Variants in CRB1 observed in about 807,000 individuals in gnomAD.
CRB1 encodes the protein protein crumbs homolog 1.
A neutral mutation model predicts 120.0 loss-of-function variants in CRB1; 83 were observed. The ratio of observed to expected loss-of-function variants is 0.69; its 90% CI spans 0.58 to 0.83. CRB1 has a LOEUF of 0.83. Ranked by LOEUF, CRB1 falls within the 40% of genes least tolerant of loss-of-function variation. CRB1 has a pLI of 0.00. For missense variants in CRB1, 1,699 were observed against 1,687.6 expected (o/e 1.01, Z -0.12); for synonymous variants, 625 against 612.5 (o/e 1.02, Z -0.30).
At chr1:197,463,090 C>T (rs895357078) in intron 11 of CRB1, among the ~76,000 whole-genome samples, 7 of 152,074 alleles carry the variant, frequency 4.6e-5, no homozygotes, top group African/African-American at 1.7e-4. Context: ...TTTATAAGAG[C>T]CACAACCCTG....
intron 11 of CRB1, among the ~76,000 whole-genome samples, chr1:197,463,114 AT>A (rs1666603488): frequency 6.6e-6 from 1 of 152,124 alleles, no homozygotes; most frequent in Non-Finnish European, 1.5e-5. Context: ...GATTTTCTTC[AT>A]TGTTTAGTTG....
At chr1:197,323,462 G>T (rs1008359203) in intron 1 of CRB1, among the ~76,000 whole-genome samples, 1 of 152,066 alleles carries the variant, frequency 6.6e-6, no homozygotes, top group Non-Finnish European at 1.5e-5. Context: ...ATTTCAATTT[G>T]CTAGAGGCAA....
chr1:197,334,225 A>T (rs1659020171), intron 2 of CRB1, among the ~76,000 whole-genome samples: 1 of 152,198 alleles, frequency 6.6e-6, no homozygotes. Flanking sequence ...TTTCCATGTG[A>T]CATCCTTGAC....
the CRB1 span, among the ~76,000 whole-genome samples, chr1:197,212,685 A>T: frequency 1.3e-5 from 2 of 152,196 alleles, no homozygotes; most frequent in Non-Finnish European, 2.9e-5. Context: ...TGATGGTTTC[A>T]TCAGGGTGTA....
At position 197,346,701 on chromosome 1, in the gene CRB1, A is replaced by G. The variant is rs371733915; in HGVS notation, c.849-639A>G. Among the ~76,000 whole-genome samples the G allele has an allele frequency of 7.2e-4, 110 of 152,292 alleles. 3 individuals are homozygous for G. In the East Asian group the frequency reaches 8.9e-3, roughly 12 times the overall value. Reference sequence around the variant, plus strand: ...AAGTCTCCTCTTAATAAAATCAACAACTTTCTTCATTAGATTTGTATTTTG... The same window carrying G: ...AAGTCTCCTCTTAATAAAATCAACAGCTTTCTTCATTAGATTTGTATTTTG... On this transcript the variant is annotated intron_variant, in intron 3 of 11. Transcript: ENST00000367400.
At chr1:197,365,974 C>T (rs747857493) in intron 5 of CRB1, among the ~76,000 whole-genome samples, 14 of 152,028 alleles carry the variant, frequency 9.2e-5, no homozygotes, top group Non-Finnish European at 1.3e-4. Flanking sequence ...AGTCTATGCT[C>T]TCTTGTCCAG....
chr1:197,288,983 A>AAC (rs1656003311), intron 1 of CRB1, among the ~76,000 whole-genome samples: 2 of 151,570 alleles, frequency 1.3e-5, no homozygotes, highest in African/African-American at 4.8e-5. Context: ...AAAAAAAAAA[A>AAC]AAAACTTGAA....
chr1:197,413,814 C>A (rs970050807), intron 5 of CRB1: 6 of 416,196 alleles, frequency 1.4e-5, no homozygotes, highest in South Asian at 1.1e-4. Context: ...AACCAAGTCC[C>A]CATACTCTCT....
intron 11 of CRB1, chr1:197,442,632 TATAACTAGAA>T: frequency 9.9e-7 from 1 of 1,011,918 alleles, no homozygotes; most frequent in Non-Finnish European, 1.4e-6. Context: ...GTGTTCTTAA[TATAACTAGAA>T]ATATCTCCTT....
At chr1:197,264,327 A>T (rs943549495), upstream of CRB1, among the ~76,000 whole-genome samples, 8 of 152,304 alleles carry the variant, frequency 5.3e-5, no homozygotes, top group African/African-American at 1.9e-4. Context: ...GCTGAATTGA[A>T]TTCCATTGTG....
At chr1:197,309,186 C>T (rs775713066) in intron 1 of CRB1, among the ~76,000 whole-genome samples, 2 of 151,838 alleles carry the variant, frequency 1.3e-5, no homozygotes, top group Non-Finnish European at 2.9e-5. Context: ...CACAATTGCA[C>T]AAGAGATGAA....
At chr1:197,344,523 A>G in intron 3 of CRB1, 47 bp downstream of exon 3, 7 of 1,561,976 alleles carry the variant, frequency 4.5e-6, no homozygotes, top group Non-Finnish European at 6.2e-6. Context: ...CTCCCTGACC[A>G]TGAACTATTT....
chr1:197,228,705 T>C, the CRB1 span, among the ~76,000 whole-genome samples: 1 of 152,206 alleles, frequency 6.6e-6, no homozygotes, highest in Admixed American at 6.5e-5. Context: ...TGGATATCTT[T>C]TCAGCAACGC....
At chr1:197,354,460 TCGGACG>T (rs1660313036) in intron 4 of CRB1, among the ~76,000 whole-genome samples, 1 of 152,130 alleles carries the variant, frequency 6.6e-6, no homozygotes, top group Admixed American at 6.5e-5. Flanking sequence ...TTTCTGATGT[TCGGACG>T]TGTTCAGAGT....
chr1:197,426,100 T>C (rs190332190), intron 6 of CRB1, among the ~76,000 whole-genome samples: 6 of 152,070 alleles, frequency 3.9e-5, no homozygotes, highest in Admixed American at 3.3e-4. Context: ...TCCAGTTTTC[T>C]TCCGTATCTC....
the CRB1 span, chr1:197,223,233 A>G: frequency 8.8e-7 from 1 of 1,140,348 alleles, no homozygotes; most frequent in Middle Eastern, 2.4e-4. Flanking sequence ...AGGATTACAA[A>G]CCAGAAGATT....
chr1:197,404,631 C>T (rs1165472337), intron 5 of CRB1, among the ~76,000 whole-genome samples: 3 of 152,024 alleles, frequency 2.0e-5, no homozygotes, highest in Non-Finnish European at 4.4e-5. Flanking sequence ...ATTGTGTTAC[C>T]TCTCATCTTT....
intron 5 of CRB1, chr1:197,360,507 C>T (rs536856877): frequency 1.6e-4 from 24 of 152,318 alleles, no homozygotes; most frequent in African/African-American, 5.8e-4. Context: ...CCATCTAGTA[C>T]TTGACTGTGT....
the CRB1 span, chr1:197,222,994 G>A: frequency 3.6e-5 from 29 of 800,902 alleles, no homozygotes; most frequent in Admixed American, 1.5e-4. Flanking sequence ...CAGTGGTAGA[G>A]TTAGTCACTA....
Sources: gnomAD v4.1 joint callset for allele counts (sites outside exome capture counted in the v4.1 genomes callset) on GRCh38, gnomAD v4.1.1 for gene constraint, MANE v1.5 for transcripts, NCBI Gene and HGNC (gene_info 2026-07-23, HGNC 2026-07-21) for gene names.